CTNNA2: variants seen among roughly 807,000 people sequenced by gnomAD.
CTNNA2 encodes the protein catenin alpha-2.
CTNNA2 carries 42 observed loss-of-function variants against 101.0 expected under a neutral mutation model. That is an observed-to-expected ratio of 0.42 (90% confidence interval 0.32 to 0.54). The LOEUF (loss-of-function observed/expected upper bound fraction) is 0.54. Ranked by LOEUF, CTNNA2 falls within the 20% of genes least tolerant of loss-of-function variation. The probability of loss-of-function intolerance (pLI) is 0.14; values close to 1 mark genes in which losing one functional copy is unlikely to be tolerated. For missense variants in CTNNA2, 871 were observed against 1,223.1 expected, an observed-to-expected ratio of 0.71 and a Z score of 4.29; for synonymous variants, 450 against 456.4, an observed-to-expected ratio of 0.99 and a Z score of 0.18.
At chr2:79,806,610 T>TC (rs1676594858) in intron 3 of CTNNA2, among the ~76,000 whole-genome samples, 1 of 151,834 alleles carries the variant, frequency 6.6e-6, no homozygotes, top group Admixed American at 6.6e-5. Context: ...GCACACTACC[T>TC]CCTCCCATGT....
At chr2:79,305,231 T>C (rs938263774) in intron 2 of CTNNA2, among the ~76,000 whole-genome samples, 3 of 150,284 alleles carry the variant, frequency 2.0e-5, no homozygotes, top group East Asian at 1.9e-4. Flanking sequence ...AATATATATA[T>C]ACACACACAC....
At chr2:80,289,379 TG>T (rs950466818) in intron 7 of CTNNA2, among the ~76,000 whole-genome samples, 2 of 152,226 alleles carry the variant, frequency 1.3e-5, no homozygotes, top group African/African-American at 4.8e-5. Context: ...CAATATTACT[TG>T]CCCTACTAAT....
chr2:79,207,347 C>T (rs946479470), intron 2 of CTNNA2, among the ~76,000 whole-genome samples: 13 of 152,156 alleles, frequency 8.5e-5, no homozygotes, highest in Admixed American at 3.9e-4. Flanking sequence ...AGACCACCAC[C>T]TCTTTAACCT....
intron 6 of CTNNA2, among the ~76,000 whole-genome samples, chr2:79,892,452 C>G (rs1389129335): frequency 6.6e-6 from 1 of 151,866 alleles, no homozygotes; most frequent in Non-Finnish European, 1.5e-5. Context: ...AAAATTTGTT[C>G]CTGGTGGATT....
chr2:80,332,701 T>TA (rs1416471148), intron 7 of CTNNA2, among the ~76,000 whole-genome samples: 3 of 152,202 alleles, frequency 2.0e-5, no homozygotes, highest in Non-Finnish European at 2.9e-5. Flanking sequence ...GGTATGATCT[T>TA]AGATATCTTC....
At chr2:80,321,334 G>T (rs1678659647) in intron 7 of CTNNA2, among the ~76,000 whole-genome samples, 1 of 152,160 alleles carries the variant, frequency 6.6e-6, no homozygotes, top group African/African-American at 2.4e-5. Context: ...TAGGAAAAGG[G>T]TATTAAGATC....
intron 4 of CTNNA2, among the ~76,000 whole-genome samples, chr2:79,428,508 A>G (rs1035877717): frequency 6.6e-6 from 1 of 152,086 alleles, no homozygotes; most frequent in African/African-American, 2.4e-5. Flanking sequence ...AGATCAAGGA[A>G]CTTCTGTCCT....
intron 6 of CTNNA2, among the ~76,000 whole-genome samples, chr2:79,887,519 G>A (rs1013849629): frequency 6.6e-6 from 1 of 151,936 alleles, no homozygotes; most frequent in Non-Finnish European, 1.5e-5. Context: ...GTTCCCATCA[G>A]TATGATTGTT....
intron 1 of CTNNA2, among the ~76,000 whole-genome samples, chr2:79,620,728 A>G (rs1451446778): frequency 6.6e-6 from 1 of 152,196 alleles, no homozygotes; most frequent in Non-Finnish European, 1.5e-5. Flanking sequence ...GTTTGATGTG[A>G]TCTGAAGGTT....
chr2:80,025,070 G>A (rs1286564414), intron 7 of CTNNA2, among the ~76,000 whole-genome samples: 1 of 152,172 alleles, frequency 6.6e-6, no homozygotes, highest in Non-Finnish European at 1.5e-5. Context: ...CCGTTCCTCT[G>A]AAGTCAAGCT....
In CTNNA2 at chr2:79,206,941, G is replaced by A. The variant is rs112730073; in HGVS notation, c.-406+8865G>A. Among the ~76,000 whole-genome samples the A allele has an allele frequency of 6.1e-3, 934 of 152,258 alleles. 8 individuals are homozygous for A. The highest frequency in any genetic ancestry group is 0.022 in the African/African-American group (902 of 41,558). On this transcript the variant is annotated intron_variant, in intron 2 of 21. Transcript: ENST00000466387. The stretch of plus-strand genomic sequence containing the variant: ...TCAGTTACTGTGTAAGCTGAGTTGT[G>A]TTTTCTCTTCTTAGCAACCAAAAAT...
intron 2 of CTNNA2, among the ~76,000 whole-genome samples, chr2:79,740,050 A>G (rs1671181203): frequency 6.6e-6 from 1 of 152,132 alleles, no homozygotes; most frequent in Non-Finnish European, 1.5e-5. Flanking sequence ...GTACATGTGC[A>G]GGTTTGTTAT....
chr2:79,664,191 G>A (rs1009616879), intron 2 of CTNNA2, among the ~76,000 whole-genome samples: 1 of 152,124 alleles, frequency 6.6e-6, no homozygotes, highest in Admixed American at 6.5e-5. Context: ...TATTGCATAT[G>A]CATGTGTCCA....
intron 7 of CTNNA2, among the ~76,000 whole-genome samples, chr2:80,100,212 A>G (rs10204175): frequency 0.15 from 23,484 of 151,970 alleles, 2,489 homozygotes; most frequent in South Asian, 0.31. Context: ...GGGATTACAG[A>G]TGTGAGCCAC....
intron 4 of CTNNA2, among the ~76,000 whole-genome samples, chr2:79,472,485 G>GAAT (rs147421837): frequency 0.011 from 1,640 of 152,262 alleles, 32 homozygotes; most frequent in African/African-American, 0.036. Flanking sequence ...TTCTTTCTTT[G>GAAT]TCTTGAAGAA....
intron 7 of CTNNA2, among the ~76,000 whole-genome samples, chr2:79,993,270 T>A (rs1221095079): frequency 6.6e-6 from 1 of 152,210 alleles, no homozygotes; most frequent in African/African-American, 2.4e-5. Flanking sequence ...AAACCTGCTC[T>A]GGAACTCCAA....
chr2:80,362,553 C>A lies in CTNNA2; in HGVS notation c.1057-30658C>A, dbSNP rs549919373. Among the ~76,000 whole-genome samples the A allele has an allele frequency of 2.0e-5, 3 of 152,108 alleles. No homozygotes were observed. The South Asian group carries it at 6.2e-4, about 32-fold the overall frequency. On this transcript the variant is annotated intron_variant, in intron 7 of 18. Transcript: ENST00000402739. ...AAGTAACTGTGCAAAACTCACTTGT[C>A]ATTTTAGATGCTGAAATTACTAGAA...
Position 79,406,896 on chromosome 2 carries a change from C to T in CTNNA2, c.-135+32883C>T, listed in dbSNP as rs138833507. The stretch of plus-strand genomic sequence containing the variant: ...TTTTCCAATGTTGTTTATTCTATAT[C>T]GATATCATGTTCCATCTCTCTGATG... On this transcript the variant is annotated intron_variant, in intron 4 of 21. Coordinates refer to the CTNNA2 transcript ENST00000466387. Among the ~76,000 whole-genome samples the T allele has an allele frequency of 1.5e-3, 231 of 152,060 alleles. 1 individual carries two copies. The highest frequency in any genetic ancestry group is 5.3e-3 in the African/African-American group (222 of 41,508).
chr2:79,873,070 C>A (rs1393265859), intron 5 of CTNNA2, among the ~76,000 whole-genome samples: 1 of 152,148 alleles, frequency 6.6e-6, no homozygotes, highest in Non-Finnish European at 1.5e-5. Context: ...GATGAGCTGC[C>A]ATTAGAGGCT....
Sources: allele counts gnomAD v4.1 joint callset (sites outside exome capture counted in the v4.1 genomes callset), GRCh38; gene constraint gnomAD v4.1.1; transcripts MANE v1.5; gene names NCBI Gene and HGNC (gene_info 2026-07-23, HGNC 2026-07-21).